ZNF423: variants seen among roughly 807,000 people sequenced by gnomAD.
ZNF423 encodes the protein zinc finger protein 423, also known as Ebf-associated zinc finger protein.
In ZNF423, 12 loss-of-function variants were observed where a neutral mutation model predicts 95.8. The observed-to-expected ratio is 0.13, with a 90% CI of 0.08 to 0.20. The LOEUF is 0.20. Ranked by LOEUF, ZNF423 falls within the 10% of genes least tolerant of loss-of-function variation. The pLI is 1.00. For synonymous variants in ZNF423, 749 were observed against 711.9 expected (o/e 1.05, Z -0.83); for missense variants, 1,316 against 1,737.1 (o/e 0.76, Z 4.31).
At chr16:49,834,026 G>A (rs1196170825) in intron 1 of ZNF423, among the ~76,000 whole-genome samples, 5 of 152,324 alleles carry the variant, frequency 3.3e-5, no homozygotes, top group African/African-American at 1.2e-4. Flanking sequence ...GGCAGGCTTG[G>A]GGACCCAGCC....
At chr16:49,648,369 G>A (rs7500131) in intron 3 of ZNF423, among the ~76,000 whole-genome samples, 83,076 of 152,062 alleles carry the variant, frequency 0.55, 23,444 homozygotes, top group South Asian at 0.68. Flanking sequence ...CAGGCCAGGC[G>A]CAGTGCTCAC....
chr16:49,628,972 C>T (rs984730048), intron 4 of ZNF423, among the ~76,000 whole-genome samples: 2 of 152,084 alleles, frequency 1.3e-5, no homozygotes, highest in Non-Finnish European at 2.9e-5. Flanking sequence ...TCACAATATC[C>T]AAGTTTTTTG....
Position 49,724,534 on chromosome 16 carries a change from C to T in ZNF423, c.301+6237G>A, listed in dbSNP as rs182565177. Among the ~76,000 whole-genome samples, 38 of 152,308 alleles carry T rather than the reference C, an allele frequency of 2.5e-4. 1 individual carries two copies. In the East Asian group the frequency reaches 7.0e-3, roughly 28 times the overall value. The stretch of plus-strand genomic sequence containing the variant: ...AAAACAGAGCCAGTTCGAGGAGCGC[C>T]GCAAGTCAGTAAGGCAGGGAGCCCC... On this transcript the variant is annotated intron_variant, in intron 3 of 7. Transcript: ENST00000563137.
At chr16:49,702,923 A>G (rs398089033) in intron 3 of ZNF423, among the ~76,000 whole-genome samples, 22 of 115,216 alleles carry the variant, frequency 1.9e-4, no homozygotes, top group South Asian at 1.4e-3. Context: ...ACACACACAC[A>G]CACACACACA....
At chr16:49,843,831 G>A (rs545047619) in intron 1 of ZNF423, among the ~76,000 whole-genome samples, 27 of 150,370 alleles carry the variant, frequency 1.8e-4, no homozygotes, top group Middle Eastern at 6.8e-3. Flanking sequence ...TCCTAGGGCA[G>A]ACCACCCCCC....
At chr16:49,609,124 C>T (rs1971634250) in intron 5 of ZNF423, among the ~76,000 whole-genome samples, 1 of 152,106 alleles carries the variant, frequency 6.6e-6, no homozygotes, top group Non-Finnish European at 1.5e-5. Flanking sequence ...GCATTCCTAC[C>T]ACGACTGCTC....
intron 5 of ZNF423, among the ~76,000 whole-genome samples, chr16:49,592,309 A>T (rs1971033814): frequency 6.6e-6 from 1 of 152,184 alleles, no homozygotes. Flanking sequence ...TTTTCTTGTA[A>T]GGAAAGTGTA....
At chr16:49,829,070 C>T (rs943931393) in intron 1 of ZNF423, among the ~76,000 whole-genome samples, 6 of 152,210 alleles carry the variant, frequency 3.9e-5, no homozygotes, top group African/African-American at 1.4e-4. Flanking sequence ...TGCAGCAGCA[C>T]CCATATCATG....
chr16:49,547,062 C>T (rs1020847875), intron 5 of ZNF423, among the ~76,000 whole-genome samples: 1 of 150,482 alleles, frequency 6.6e-6, no homozygotes, highest in Non-Finnish European at 1.5e-5. Context: ...CAATACCCTG[C>T]AGAAAGTTGT....
At position 49,548,197 on chromosome 16, in the gene ZNF423, T is replaced by C. The variant is rs552426294; in HGVS notation, c.3602-22703A>G. On this transcript the variant is annotated intron_variant, in intron 5 of 7. Coordinates refer to ENST00000563137, the MANE Select transcript of ZNF423 (RefSeq NM_001379286.1). ...AGCACCTCCCAGTTTGGTCTGAGCA[T>C]TCTTCAGAATTTTTTTTAGCACCAA... 7.9e-5 allele frequency among the ~76,000 whole-genome samples: 12 copies of C among 152,280 alleles called. 1 individual carries two copies. In the South Asian group the frequency reaches 2.5e-3, roughly 32 times the overall value.
chr16:49,848,530 C>G (rs2035269249), intron 1 of ZNF423, among the ~76,000 whole-genome samples: 1 of 152,194 alleles, frequency 6.6e-6, no homozygotes, highest in Admixed American at 6.5e-5. Context: ...TCTCCCGGCC[C>G]CTGGTCCCTG....
chr16:49,502,562 T>C (rs1452694487), intron 7 of ZNF423, among the ~76,000 whole-genome samples: 1 of 151,972 alleles, frequency 6.6e-6, no homozygotes, highest in African/African-American at 2.4e-5. Flanking sequence ...GTTTGCCACA[T>C]GACCGCATTC....
chr16:49,712,750 C>T (rs1189590696), intron 3 of ZNF423, among the ~76,000 whole-genome samples: 2 of 152,220 alleles, frequency 1.3e-5, no homozygotes, highest in Admixed American at 6.5e-5. Context: ...CTGGGGGTCC[C>T]GGGAGCGGCG....
At chr16:49,799,226 A>C (rs1415680441) in intron 1 of ZNF423, among the ~76,000 whole-genome samples, 1 of 152,164 alleles carries the variant, frequency 6.6e-6, no homozygotes, top group African/African-American at 2.4e-5. Context: ...GGACCAAATG[A>C]GATGATACCC....
intron 3 of ZNF423, among the ~76,000 whole-genome samples, chr16:49,693,860 C>T (rs186670904): frequency 6.6e-6 from 1 of 152,348 alleles, no homozygotes; most frequent in Admixed American, 6.5e-5. Context: ...CCGGCCAGGC[C>T]TGAAGGTTTA....
chr16:49,823,651 A>G lies in ZNF423; in HGVS notation c.40+32084T>C, dbSNP rs543542757. ...AAAAAGTTATAACTTGTTGGGGGAA[A>G]AAAAAAGGAGAAGAAGGAGGCAGAG... On this transcript the variant is annotated intron_variant, in intron 1 of 7. Coordinates refer to ENST00000563137, the MANE Select transcript of ZNF423 (RefSeq NM_001379286.1). Among the ~76,000 whole-genome samples, 53 of 152,304 alleles carry G rather than the reference A, an allele frequency of 3.5e-4. 1 individual carries two copies. The highest frequency in any genetic ancestry group is 1.2e-3 in the African/African-American group (50 of 41,562).
chr16:49,689,143 T>C (rs1354126369), intron 3 of ZNF423, among the ~76,000 whole-genome samples: 1 of 152,100 alleles, frequency 6.6e-6, no homozygotes. Flanking sequence ...GATTGTGTTG[T>C]ATAATAAAGA....
intron 2 of ZNF423, among the ~76,000 whole-genome samples, chr16:49,781,614 G>T (rs1442773829): frequency 6.6e-6 from 1 of 152,180 alleles, no homozygotes; most frequent in Admixed American, 6.5e-5. Flanking sequence ...AGGCAGCTCC[G>T]CGTGGTTCAG....
chr16:49,686,944 T>C (rs527586770), intron 3 of ZNF423, among the ~76,000 whole-genome samples: 27 of 152,092 alleles, frequency 1.8e-4, no homozygotes, highest in African/African-American at 6.3e-4. Flanking sequence ...TTCCTAACCA[T>C]GGAGAAGGCC....
Sources: allele counts gnomAD v4.1 joint callset (sites outside exome capture counted in the v4.1 genomes callset), GRCh38; gene constraint gnomAD v4.1.1; transcripts MANE v1.5; gene names NCBI Gene and HGNC (gene_info 2026-07-23, HGNC 2026-07-21).